The following CCDC91 variants were observed in gnomAD, a reference collection of about 807,000 sequenced individuals.
CCDC91 encodes the protein coiled-coil domain-containing protein 91.
Under a neutral mutation model 63.2 loss-of-function variants are expected in CCDC91, and 48 were observed. The ratio of observed to expected loss-of-function variants is 0.76; its 90% confidence interval spans 0.60 to 0.97. The LOEUF (loss-of-function observed/expected upper bound fraction) is 0.97, where lower values mean the gene tolerates loss of function less well. CCDC91 is among the 50% of genes least tolerant of loss of function. The pLI, the probability that CCDC91 is intolerant of heterozygous loss-of-function variation, is 0.00. For missense variants in CCDC91, 500 were observed against 494.6 expected (o/e 1.01, Z -0.10); for synonymous variants, 167 against 165.8 (o/e 1.01, Z -0.06).
intron 6 of CCDC91, among the ~76,000 whole-genome samples, chr12:28,309,597 T>A (rs1257692230): frequency 1.3e-5 from 2 of 152,056 alleles, no homozygotes; most frequent in Non-Finnish European, 2.9e-5. Context: ...CATTGTTAAA[T>A]TTCCTATATA....
At chr12:28,237,235 T>TATACACACACAC (rs1555163662) in intron 1 of CCDC91, among the ~76,000 whole-genome samples, 2 of 143,024 alleles carry the variant, frequency 1.4e-5, no homozygotes, top group African/African-American at 5.1e-5. Context: ...GTATTACACA[T>TATACACACACAC]ACACACACAC....
At chr12:28,241,995 CAAAA>C (rs1209663723) in intron 1 of CCDC91, among the ~76,000 whole-genome samples, 49 of 41,426 alleles carry the variant, frequency 1.2e-3, no homozygotes, top group Non-Finnish European at 2.1e-3. Context: ...GACTCCTTCT[CAAAA>C]AAAAAAAAAA....
chr12:28,342,242 A>C (rs747418401), intron 6 of CCDC91, among the ~76,000 whole-genome samples: 1 of 152,202 alleles, frequency 6.6e-6, no homozygotes, highest in African/African-American at 2.4e-5. Context: ...GCCTCCAGAT[A>C]GAAAGGCAGT....
At chr12:28,520,013 A>C (rs1310248131) in intron 12 of CCDC91, among the ~76,000 whole-genome samples, 4 of 152,158 alleles carry the variant, frequency 2.6e-5, no homozygotes, top group Non-Finnish European at 5.9e-5. Context: ...TCCTATTGTG[A>C]ATAGTGCCGC....
chr12:28,454,095 T>C (rs1015000054), intron 11 of CCDC91, among the ~76,000 whole-genome samples: 4 of 152,260 alleles, frequency 2.6e-5, no homozygotes, highest in African/African-American at 4.8e-5. Context: ...TATATTAATT[T>C]CCTTACAAAT....
chr12:28,318,171 T>C (rs1465812545), intron 6 of CCDC91, among the ~76,000 whole-genome samples: 1 of 151,878 alleles, frequency 6.6e-6, no homozygotes, highest in African/African-American at 2.4e-5. Context: ...TATTCAGTTT[T>C]TAATAGAAAC....
At chr12:28,339,623 G>A (rs1284288246) in intron 6 of CCDC91, among the ~76,000 whole-genome samples, 1 of 152,070 alleles carries the variant, frequency 6.6e-6, no homozygotes, top group Non-Finnish European at 1.5e-5. Context: ...GATATATAAA[G>A]TATGCAGAAG....
intron 3 of CCDC91, among the ~76,000 whole-genome samples, chr12:28,296,147 T>A (rs1402266820): frequency 6.6e-6 from 1 of 151,566 alleles, no homozygotes; most frequent in Non-Finnish European, 1.5e-5. Context: ...TTTTATTTTT[T>A]AAATTTTTTA....
At chr12:28,376,122 A>T (rs1030519624) in intron 7 of CCDC91, among the ~76,000 whole-genome samples, 4 of 151,702 alleles carry the variant, frequency 2.6e-5, no homozygotes, top group African/African-American at 7.2e-5. Flanking sequence ...TTTCTTTTTT[A>T]AAAAAAATTC....
chr12:28,521,703 G>A (rs1383479447), intron 12 of CCDC91, among the ~76,000 whole-genome samples: 1 of 152,176 alleles, frequency 6.6e-6, no homozygotes, highest in Non-Finnish European at 1.5e-5. Flanking sequence ...GATATTGGCT[G>A]TGGGTTTGTC....
At chr12:28,208,128 G>C (rs1256431563) in intron 1 of CCDC91, among the ~76,000 whole-genome samples, 1 of 152,140 alleles carries the variant, frequency 6.6e-6, no homozygotes, top group Non-Finnish European at 1.5e-5. Flanking sequence ...TTAGAAACCT[G>C]TATTCAAGAG....
intron 6 of CCDC91, among the ~76,000 whole-genome samples, chr12:28,325,307 T>C (rs995319413): frequency 6.6e-6 from 1 of 152,040 alleles, no homozygotes; most frequent in Non-Finnish European, 1.5e-5. Context: ...ATGTACTTTT[T>C]CTCCTGAAAT....
chr12:28,408,196 C>A (rs1446097838), intron 8 of CCDC91, among the ~76,000 whole-genome samples: 1 of 152,088 alleles, frequency 6.6e-6, no homozygotes, highest in Non-Finnish European at 1.5e-5. Flanking sequence ...CATGTGTTCT[C>A]ATTGTTCAAC....
chr12:28,316,956 C>T (rs1305205081), intron 6 of CCDC91, among the ~76,000 whole-genome samples: 3 of 151,840 alleles, frequency 2.0e-5, no homozygotes, highest in Non-Finnish European at 4.4e-5. Context: ...CCACTGACTC[C>T]TTATTGAAGA....
chr12:28,355,693 T>G (rs1187831377), intron 6 of CCDC91, among the ~76,000 whole-genome samples: 4 of 152,172 alleles, frequency 2.6e-5, no homozygotes, highest in African/African-American at 9.7e-5. Flanking sequence ...ATGAGTAGAT[T>G]GTGAGGTCCT....
chr12:28,315,869 C>T (rs1203051309), intron 6 of CCDC91, among the ~76,000 whole-genome samples: 1 of 151,212 alleles, frequency 6.6e-6, no homozygotes, highest in African/African-American at 2.4e-5. Flanking sequence ...GATAAATATA[C>T]ATATATCTCC....
chr12:28,446,554 C>T (rs1425334149), intron 8 of CCDC91, among the ~76,000 whole-genome samples: 1 of 152,074 alleles, frequency 6.6e-6, no homozygotes, highest in Non-Finnish European at 1.5e-5. Flanking sequence ...GAGAGGTCCT[C>T]CTACTTCAAG....
At chr12:28,464,008 C>T (rs368885344) in intron 11 of CCDC91, among the ~76,000 whole-genome samples, 2 of 152,268 alleles carry the variant, frequency 1.3e-5, no homozygotes, top group East Asian at 1.9e-4. Flanking sequence ...CACCCCTCCC[C>T]ATCCAGAGAG....
At chr12:28,201,869 A>G (rs1942471909) in intron 1 of CCDC91, among the ~76,000 whole-genome samples, 1 of 143,800 alleles carries the variant, frequency 7.0e-6, no homozygotes, top group African/African-American at 2.5e-5. Context: ...CCACCAAAAA[A>G]ATACAAAAAC....
Sources: allele counts gnomAD v4.1 joint callset (sites outside exome capture counted in the v4.1 genomes callset), GRCh38; gene constraint gnomAD v4.1.1; transcripts MANE v1.5; gene names NCBI Gene and HGNC (gene_info 2026-07-23, HGNC 2026-07-21).